KNDC1: variants seen among roughly 807,000 people sequenced by gnomAD.
KNDC1 encodes kinase non-catalytic C-lobe domain-containing protein 1.
A neutral mutation model predicts 172.8 loss-of-function variants in KNDC1; 106 were observed. The ratio of observed to expected loss-of-function variants is 0.61; its 90% CI spans 0.52 to 0.72. KNDC1 has a LOEUF of 0.72. Ranked by LOEUF, KNDC1 falls within the 30% of genes least tolerant of loss-of-function variation. KNDC1 has a pLI of 0.00. For synonymous variants in KNDC1, 1,083 were observed against 1,062.2 expected (o/e 1.02, Z -0.38); for missense variants, 2,325 against 2,394.5 (o/e 0.97, Z 0.61).
chr10:133,162,875 G>A (rs569031092), intron 1 of KNDC1, among the ~76,000 whole-genome samples: 3 of 152,382 alleles, frequency 2.0e-5, no homozygotes, highest in South Asian at 2.1e-4. Context: ...GTGGCCGTGC[G>A]TGTGTGAGAA....
intron 26 of KNDC1, among the ~76,000 whole-genome samples, chr10:133,217,831 C>T (rs1170498220): frequency 6.6e-6 from 1 of 152,080 alleles, no homozygotes; most frequent in Non-Finnish European, 1.5e-5. Flanking sequence ...AATCCCAGCA[C>T]TTTGGGAGTC....
chr10:133,185,841 G>A, intron 5 of KNDC1, 133 bp from the exon 6 acceptor site: 1 of 70,812 alleles, frequency 1.4e-5, no homozygotes, highest in Non-Finnish European at 2.9e-5. Flanking sequence ...GGGGAGGAGA[G>A]GGGAGGGGAG....
intron 20 of KNDC1, among the ~76,000 whole-genome samples, chr10:133,208,828 G>A (rs965185428): frequency 2.6e-5 from 4 of 152,014 alleles, no homozygotes; most frequent in African/African-American, 9.7e-5. Context: ...GGTAATGTGT[G>A]ATGTGCTTTG....
intron 8 of KNDC1, 26 bp downstream of exon 8, chr10:133,189,695 C>T (rs746100073): frequency 8.7e-6 from 14 of 1,613,810 alleles, no homozygotes; most frequent in Admixed American, 8.3e-5. Flanking sequence ...CCCCTCAGGC[C>T]GAGTCCAGCA....
At chr10:133,203,817 G>A (rs1043326880) in intron 17 of KNDC1, among the ~76,000 whole-genome samples, 1 of 152,340 alleles carries the variant, frequency 6.6e-6, no homozygotes, top group Middle Eastern at 3.4e-3. Context: ...AGTCAAGACC[G>A]TCCTCCTCAT....
chr10:133,224,643 C>T lies in KNDC1; in HGVS notation c.5019-16C>T. 2 of 1,609,464 alleles carry T rather than the reference C, an allele frequency of 1.2e-6. No individual in the cohort carries two copies. Among genetic ancestry groups the T allele is most frequent in the Non-Finnish European group, 1.7e-6 (2 of 1,176,056 alleles). ...TGCCCTGTGCAAACTAACGTCTCTTCTTTCCTCAACGGAAGGAACATCGCA... is the reference window on the plus strand; with the variant it reads ...TGCCCTGTGCAAACTAACGTCTCTTTTTTCCTCAACGGAAGGAACATCGCA... On this transcript the variant is annotated splice_polypyrimidine_tract_variant and intron_variant, in intron 29 of 29. Coordinates refer to ENST00000304613, the MANE Select transcript of KNDC1 (RefSeq NM_152643.8). This position sits in a 1 kb window ranked among gnomAD's most constrained non-coding sequence, Gnocchi z 5.4.
intron 9 of KNDC1, 150 bp from the exon 10 acceptor site, chr10:133,195,513 G>A (rs1854164288): frequency 1.5e-6 from 1 of 651,580 alleles, no homozygotes. Flanking sequence ...CCAGGGTGGG[G>A]CCTGATAGAT....
intron 1 of KNDC1, among the ~76,000 whole-genome samples, chr10:133,161,951 G>C (rs1228091088): frequency 6.6e-6 from 1 of 152,114 alleles, no homozygotes; most frequent in Non-Finnish European, 1.5e-5. Context: ...TGGAGCCACA[G>C]GCTGTCTTTC....
Position 133,189,044 on chromosome 10 carries a change from G to A in KNDC1, c.1441+391G>A, listed in dbSNP as rs553178454. Among the ~76,000 whole-genome samples, 18 of 152,334 alleles carry A rather than the reference G, an allele frequency of 1.2e-4. No individual in the cohort carries two copies. The East Asian group carries it at 3.1e-3, about 26-fold the overall frequency. Reference sequence around the variant, plus strand: ...TCAACACAGTGACATTGTCCCCAGGGAGGCAGCAATTGGCTTTGGAGTGGG... The same window carrying A: ...TCAACACAGTGACATTGTCCCCAGGAAGGCAGCAATTGGCTTTGGAGTGGG... On this transcript the variant is annotated intron_variant, in intron 7 of 29. Coordinates refer to ENST00000304613, the MANE Select transcript of KNDC1 (RefSeq NM_152643.8).
At position 133,163,612 on chromosome 10, in the gene KNDC1, G is replaced by A. The variant is rs375904443; in HGVS notation, c.102+3043G>A. Among the ~76,000 whole-genome samples the A allele has an allele frequency of 6.6e-6, 1 of 152,106 alleles. No homozygotes were observed. Among genetic ancestry groups the A allele is most frequent in the South Asian group, 2.1e-4 (1 of 4,822 alleles). On this transcript the variant is annotated intron_variant, in intron 1 of 29. Coordinates refer to ENST00000304613, the MANE Select transcript of KNDC1 (RefSeq NM_152643.8). This position sits in a 1 kb window ranked among gnomAD's most constrained non-coding sequence, Gnocchi z 4.4. ...TGTATTAGTCCTGTTAGAATCCCAC[G>A]GCTGAAAAAAATCAGTTGGTCATAA... is the stretch of plus-strand genomic sequence containing the variant.
intron 26 of KNDC1, among the ~76,000 whole-genome samples, chr10:133,217,082 A>G (rs1845481732): frequency 6.6e-6 from 1 of 152,260 alleles, no homozygotes; most frequent in African/African-American, 2.4e-5. Context: ...GAAGATGGAG[A>G]GTCGCAGACA....
chr10:133,212,808 C>G lies in KNDC1; in HGVS notation c.4329C>G (p.Pro1443=). The G allele has an allele frequency of 6.2e-7, 1 of 1,614,038 alleles. No individual in the cohort carries two copies. The highest frequency in any genetic ancestry group is 1.1e-5 in the South Asian group (1 of 91,088). ...CCATTGCTGCCGCCCTGCCCAAGCC[C>G]TGCTTCCTCGAGGACTTCTACGGCC... ...PYTIAAALPK[P]CFLEDFYGPC... is the part of the protein sequence containing the mutation. Residue 1443 remains proline (P), a synonymous_variant, in exon 24 of 30, where the codon CCC becomes CCG. Coordinates refer to ENST00000304613, the MANE Select transcript of KNDC1 (RefSeq NM_152643.8).
chr10:133,186,647 G>A lies in KNDC1; in HGVS notation c.1299G>A (p.Arg433=). ...RDDERIPEGA[R]QLESAAAEQW... ...ATGAGAGAATTCCAGAAGGAGCTAG[G>A]CAGCTGGAAAGTGCAGCCGCGGAGC... The change falls in exon 6 of 30, where the codon AGG becomes AGA. Residue 433 remains arginine, a synonymous_variant. Transcript: ENST00000304613. 6.3e-7 allele frequency: 1 copy of A among 1,590,268 alleles called. No individual in the cohort carries two copies. The highest frequency in any genetic ancestry group is 8.5e-7 in the Non-Finnish European group (1 of 1,176,690).
At position 133,222,033 on chromosome 10, in the gene KNDC1, A is replaced by G. The variant is rs1463875441; in HGVS notation, c.5018+1921A>G. 4.0e-3 allele frequency among the ~76,000 whole-genome samples: 499 copies of G among 124,768 alleles called. 32 individuals are homozygous for G. The highest frequency in any genetic ancestry group is 0.014 in the African/African-American group (476 of 32,934). The allele number at this position is 124,768 out of a possible 152,430, so 81.9% of individuals were successfully genotyped here. ...GCGGTGGCTCACGCCAGTAACTCTA[A>G]CACTCTGGGAGGCCGAGGCGGGCGG... On this transcript the variant is annotated intron_variant, in intron 29 of 29. Transcript: ENST00000304613.
chr10:133,211,265 G>A (rs1157153629), intron 21 of KNDC1, among the ~76,000 whole-genome samples, 157 bp from the exon 22 acceptor site: 1 of 147,738 alleles, frequency 6.8e-6, no homozygotes, highest in Non-Finnish European at 1.5e-5. Flanking sequence ...TCCTGCCTCG[G>A]GGGAGGGACC....
chr10:133,182,447 G>C (rs1853745714), intron 3 of KNDC1, among the ~76,000 whole-genome samples: 1 of 152,216 alleles, frequency 6.6e-6, no homozygotes, highest in African/African-American at 2.4e-5. Flanking sequence ...CCCTGGGTCA[G>C]GTCCTGGCTC....
At chr10:133,183,583 C>T in intron 4 of KNDC1, 93 bp downstream of exon 4, 1 of 1,372,434 alleles carries the variant, frequency 7.3e-7, no homozygotes, top group Non-Finnish European at 9.6e-7. Context: ...CCAGCAGCCT[C>T]ACCTGGGTTC....
chr10:133,168,140 G>C, intron 2 of KNDC1, 114 bp from the exon 3 acceptor site: 1 of 886,452 alleles, frequency 1.1e-6, no homozygotes, highest in Non-Finnish European at 1.9e-6. Context: ...GGGGACACCA[G>C]GTCTGCGGGG....
rs898438347 is a variant in KNDC1 at position 133,195,676 on chromosome 10, G to C, written c.1589G>C (p.Cys530Ser). ...CCACCCGCCCAGGCCTCTGTGTACT[G>C]TGTGGCCGCCGTTCTGTGGACCGCA... ...RLVTEKASVY[C>S]VAAVLWTAAK... Residue 530 changes from cysteine to serine, a missense_variant, in exon 10 of 30, where the codon TGT becomes TCT. Cys to Ser is a moderately radical substitution (Grantham distance 112). Coordinates refer to ENST00000304613, the MANE Select transcript of KNDC1 (RefSeq NM_152643.8). 5.0e-6 allele frequency: 8 copies of C among 1,610,328 alleles called. No homozygotes were observed. The East Asian group carries it at 1.8e-4, about 36-fold the overall frequency.
Sources: gnomAD v4.1 joint callset for allele counts (sites outside exome capture counted in the v4.1 genomes callset) on GRCh38, gnomAD v4.1.1 for gene constraint, Gnocchi (gnomAD v3.1) non-coding constraint, MANE v1.5 for transcripts, NCBI Gene and HGNC (gene_info 2026-07-23, HGNC 2026-07-21) for gene names.